Variants in HOOK2 observed in about 807,000 individuals in gnomAD.
HOOK2 encodes the protein protein Hook homolog 2.
A neutral mutation model predicts 111.9 loss-of-function variants in HOOK2; 108 were observed. The observed-to-expected ratio is 0.96, with a 90% CI of 0.83 to 1.13. The LOEUF (loss-of-function observed/expected upper bound fraction) is 1.13. Among genes scored for constraint, HOOK2 ranks in the 50% most tolerant of loss-of-function variants. The probability of loss-of-function intolerance (pLI) is 0.00; values close to 1 mark genes in which losing one functional copy is unlikely to be tolerated. For synonymous variants in HOOK2, 405 were observed against 394.3 expected (o/e 1.03, Z -0.32); for missense variants, 978 against 951.3 (o/e 1.03, Z -0.37).
chr19:12,776,114 T>G (rs1223958491), upstream of HOOK2, among the ~76,000 whole-genome samples: 3 of 150,062 alleles, frequency 2.0e-5, no homozygotes, highest in African/African-American at 4.9e-5. Flanking sequence ...CCTGACCTCG[T>G]GATCCGCCCG....
intron 11 of HOOK2, among the ~76,000 whole-genome samples, chr19:12,769,505 C>T (rs906568631): frequency 6.6e-6 from 1 of 152,178 alleles, no homozygotes; most frequent in Non-Finnish European, 1.5e-5. Context: ...TCACTACAAC[C>T]TCGAAATCCT....
chr19:12,776,419 C>A (rs1319861358), upstream of HOOK2, among the ~76,000 whole-genome samples: 1 of 151,754 alleles, frequency 6.6e-6, no homozygotes, highest in Non-Finnish European at 1.5e-5. Flanking sequence ...CGGTGGCTCA[C>A]GCCTGTAATC....
At chr19:12,771,986 G>C (rs1305032006) in intron 7 of HOOK2, 1 of 597,110 alleles carries the variant, frequency 1.7e-6, no homozygotes, top group Non-Finnish European at 3.0e-6. Context: ...TACAGGAAGT[G>C]GCTAGCACCC....
rs910161991 is a variant in HOOK2, at chr19:12,771,418, G to A, written c.579C>T (p.Arg193=). The A allele has an allele frequency of 1.9e-6, 3 of 1,613,652 alleles. No homozygotes were observed. Among genetic ancestry groups the A allele is most frequent in the African/African-American group, 2.7e-5 (2 of 74,930 alleles). ...CTACCTGCCGCTCCAGATCCAGACA[G>A]CGCTGCTGTAATTCGTCCCCCTCCT... ...EAEEGDELQQ[R]CLDLERQLML... is the part of the protein sequence containing the mutation. The change falls in exon 8 of 23, where the codon CGC becomes CGT. Residue 193 remains arginine (R), a synonymous_variant. Coordinates refer to ENST00000397668, the MANE Select transcript of HOOK2 (RefSeq NM_013312.3).
Position 12,772,636 on chromosome 19 carries a change from CAT to C in HOOK2, c.431_432del (p.His144ArgfsTer16). On this transcript the variant is annotated frameshift_variant, in exon 6 of 23. Transcript: ENST00000397668. LOFTEE classifies it high-confidence loss of function. ...ACCTCTTGGATGGCTTCCATCACCA[CAT>C]GCTGAACCGATTCTTCCAGCGTCAT... ...RIMTLEESVQ[H>X]VVMEAIQELM... 1.2e-6 allele frequency: 2 copies of C among 1,614,218 alleles called. No individual in the cohort carries two copies. The highest frequency in any genetic ancestry group is 4.5e-5 in the East Asian group (2 of 44,888).
In HOOK2 at chr19:12,773,047, A is replaced by G. The variant is rs1261516318; in HGVS notation, c.205-3T>C. ...AAGACCATCTTCAGATTGCTGACCTAGGGAGGAACAAGGAACTGTGGACAA... is the reference window on the plus strand; with the variant it reads ...AAGACCATCTTCAGATTGCTGACCTGGGGAGGAACAAGGAACTGTGGACAA... On this transcript the variant is annotated splice_region_variant and splice_polypyrimidine_tract_variant and intron_variant, in intron 3 of 22. Transcript: ENST00000397668. 6.2e-7 allele frequency: 1 copy of G among 1,613,876 alleles called. No homozygotes were observed. The highest frequency in any genetic ancestry group is 8.5e-7 in the Non-Finnish European group (1 of 1,179,982).
rs375302639 is a variant in HOOK2, at chr19:12,766,825, C to T, written c.1373+570G>A. On this transcript the variant is annotated intron_variant, in intron 14 of 22. Coordinates refer to ENST00000397668, the MANE Select transcript of HOOK2 (RefSeq NM_013312.3). ...GTCTCGATCTCCTGACCTTGTGATC[C>T]GCTCGCCTTGGCCTCCCGAAGTGCT... Among the ~76,000 whole-genome samples the T allele has an allele frequency of 9.9e-4, 150 of 152,274 alleles. 1 individual carries two copies. Among genetic ancestry groups the T allele is most frequent in the African/African-American group, 3.5e-3 (146 of 41,556 alleles).
chr19:12,788,614 G>A (rs1048781147), intron 3 of HOOK2, among the ~76,000 whole-genome samples: 1 of 151,842 alleles, frequency 6.6e-6, no homozygotes, highest in African/African-American at 2.4e-5. Flanking sequence ...CCTCTGGCAT[G>A]GCCAGCCTCA....
At chr19:12,769,643 C>G (rs1215831674) in intron 11 of HOOK2, among the ~76,000 whole-genome samples, 1 of 152,206 alleles carries the variant, frequency 6.6e-6, no homozygotes, top group Non-Finnish European at 1.5e-5. Context: ...CCAAGGAAAT[C>G]AAGCAGCATG....
chr19:12,765,697 C>T lies in HOOK2; in HGVS notation c.1633G>A (p.Glu545Lys), dbSNP rs190598864. 3.8e-4 allele frequency: 611 copies of T among 1,614,206 alleles called. No homozygotes were observed. Among genetic ancestry groups the T allele is most frequent in the Middle Eastern group, 6.6e-4 (4 of 6,062 alleles). ...CCTCTTTCTGCGACTTACAAATGTT[C>T]CTCCAGCTTCCTTTTCAGCAAAATG... ...ISILLKRKLEEHLQKLHEADL... is the reference protein window; with the variant it reads ...ISILLKRKLEKHLQKLHEADL... The change falls in exon 18 of 23, where the codon GAA becomes AAA. Residue 545 changes from glutamate (E) to lysine (K), a missense_variant. Coordinates refer to ENST00000397668, the MANE Select transcript of HOOK2 (RefSeq NM_013312.3).
chr19:12,775,002 G>GAGCA, intron 1 of HOOK2, 105 bp from the exon 2 acceptor site: 1 of 1,227,180 alleles, frequency 8.1e-7, no homozygotes, highest in Non-Finnish European at 1.1e-6. Flanking sequence ...TGGTGGGGCG[G>GAGCA]GCGCTGCTCC....
chr19:12,766,970 C>T (rs547365204), intron 14 of HOOK2, among the ~76,000 whole-genome samples: 6 of 152,126 alleles, frequency 3.9e-5, no homozygotes, highest in Middle Eastern at 3.2e-3. Context: ...CTCAAGTGAT[C>T]CTCCAGCTTC....
rs201973967 is a variant in HOOK2, at chr19:12,763,393, C to A, written c.2049G>T (p.Ala683=). 1 of 1,614,020 alleles carries A rather than the reference C, an allele frequency of 6.2e-7. No homozygotes were observed. The highest frequency in any genetic ancestry group is 8.5e-7 in the Non-Finnish European group (1 of 1,179,972). The change falls in exon 23 of 23, where the codon GCG becomes GCT. Residue 683 remains alanine, a synonymous_variant. Transcript: ENST00000397668. ...CCAGGAATGACTGGGCATGGGCAGG[C>A]GCCCGCTCCTCCCCAGCTCGCTGCT... ...ALQQRAGEER[A]PAHAQSFLAQ...
intron 3 of HOOK2, 90 bp downstream of exon 3, chr19:12,774,579 C>T (rs1356965210): frequency 1.7e-6 from 2 of 1,205,540 alleles, no homozygotes; most frequent in Non-Finnish European, 1.2e-6. Context: ...TGTCCCTCTT[C>T]CTGCCCATCA....
In HOOK2 at chr19:12,775,165, A is replaced by G. The variant is rs1224379182; in HGVS notation, c.45+240T>C. On this transcript the variant is annotated intron_variant, in intron 1 of 22. Coordinates refer to ENST00000397668, the MANE Select transcript of HOOK2 (RefSeq NM_013312.3). ...CCACAGGCACCACGTGACCAGGCCA[A>G]TTCACCTGTGTCCTCGCCCCACGTG... The G allele has an allele frequency of 3.1e-6, 3 of 983,090 alleles. No individual in the cohort carries two copies. The Admixed American group carries it at 1.8e-4, about 60-fold the overall frequency. The allele number at this position is 983,090 out of a possible 1,614,324, so 60.9% of individuals were successfully genotyped here.
chr19:12,782,435 GT>G (rs1169530552), upstream of HOOK2, among the ~76,000 whole-genome samples: 1 of 152,254 alleles, frequency 6.6e-6, no homozygotes, highest in Admixed American at 6.5e-5. Flanking sequence ...GGGAGTCAAA[GT>G]CACAGAGGAC....
At position 12,774,656 on chromosome 19, in the gene HOOK2, G is replaced by A. The variant is rs1214008176; in HGVS notation, c.204+13C>T. On this transcript the variant is annotated intron_variant, in intron 3 of 22. Coordinates refer to ENST00000397668, the MANE Select transcript of HOOK2 (RefSeq NM_013312.3). ...TCACCAGTCTGTCCTCTAATCAGGA[G>A]TCCACTTGTCACCTTCAGCTTCCAG... The A allele has an allele frequency of 6.2e-6, 10 of 1,613,642 alleles. No homozygotes were observed. The highest frequency in any genetic ancestry group is 8.5e-6 in the Non-Finnish European group (10 of 1,179,658).
At chr19:12,775,821 C>T (rs1249493474), upstream of HOOK2, among the ~76,000 whole-genome samples, 3 of 151,870 alleles carry the variant, frequency 2.0e-5, no homozygotes, top group African/African-American at 7.3e-5. Flanking sequence ...GGAGGTGCTC[C>T]ACCCTGTTAC....
upstream of HOOK2, among the ~76,000 whole-genome samples, chr19:12,775,958 G>C (rs1028508752): frequency 7.0e-6 from 1 of 142,534 alleles, no homozygotes; most frequent in African/African-American, 2.8e-5. Flanking sequence ...CTCACTGCAG[G>C]CTCCGCCCCC....
Sources: gnomAD v4.1 joint callset for allele counts (sites outside exome capture counted in the v4.1 genomes callset) on GRCh38, gnomAD v4.1.1 for gene constraint, MANE v1.5 for transcripts, NCBI Gene and HGNC (gene_info 2026-07-23, HGNC 2026-07-21) for gene names.